The following L3MBTL4 variants were observed in gnomAD, a reference collection of about 807,000 sequenced individuals.
The protein encoded by L3MBTL4 is L3MBTL histone methyl-lysine binding protein 4.
A neutral mutation model predicts 84.5 loss-of-function variants in L3MBTL4; 70 were observed. The observed-to-expected ratio is 0.83, with a 90% CI of 0.68 to 1.01. L3MBTL4 has a LOEUF of 1.01. Among genes scored for constraint, L3MBTL4 ranks in the 50% least tolerant of loss-of-function variants. The pLI, the probability that L3MBTL4 is intolerant of heterozygous loss-of-function variation, is 0.00. For missense variants in L3MBTL4, 715 were observed against 754.8 expected, an observed-to-expected ratio of 0.95 and a Z score of 0.62; for synonymous variants, 274 against 259.8, an observed-to-expected ratio of 1.05 and a Z score of -0.52.
At chr18:6,146,230 G>T (rs1598901757) in intron 13 of L3MBTL4, among the ~76,000 whole-genome samples, 1 of 152,214 alleles carries the variant, frequency 6.6e-6, no homozygotes, top group Non-Finnish European at 1.5e-5. Flanking sequence ...CCTGCTGTGC[G>T]CTCTGCATCG....
intron 16 of L3MBTL4, among the ~76,000 whole-genome samples, chr18:6,039,715 C>T (rs2056314762): frequency 6.6e-6 from 1 of 152,238 alleles, no homozygotes; most frequent in Admixed American, 6.5e-5. Context: ...AAAGTCCCTT[C>T]ATGCTGGGTA....
intron 10 of L3MBTL4, among the ~76,000 whole-genome samples, chr18:6,227,886 T>TAAACTCCTGGCCTC (rs1484569374): frequency 1.3e-5 from 2 of 152,026 alleles, no homozygotes; most frequent in African/African-American, 4.8e-5. Context: ...AGTCTGGTCT[T>TAAACTCCTGGCCTC]AAACTCCTGG....
chr18:6,033,121 C>A (rs952869578), intron 16 of L3MBTL4, among the ~76,000 whole-genome samples: 1 of 152,164 alleles, frequency 6.6e-6, no homozygotes, highest in Non-Finnish European at 1.5e-5. Flanking sequence ...CTTCTCCCTT[C>A]CATTCTTTCA....
At chr18:6,216,019 T>C (rs181050192) in intron 10 of L3MBTL4, among the ~76,000 whole-genome samples, 184 bp from the exon 11 acceptor site, 2 of 152,308 alleles carry the variant, frequency 1.3e-5, no homozygotes, top group Admixed American at 1.3e-4. Flanking sequence ...GGCAAAGGCA[T>C]GCCTGCACTC....
At chr18:6,029,291 G>T in intron 16 of L3MBTL4, 2 of 273,236 alleles carry the variant, frequency 7.3e-6, no homozygotes, top group Non-Finnish European at 1.1e-5. Flanking sequence ...GTCTGCCCAG[G>T]AGTATGCTTA....
intron 13 of L3MBTL4, among the ~76,000 whole-genome samples, chr18:6,170,380 T>C (rs2043908474): frequency 6.6e-6 from 1 of 152,118 alleles, no homozygotes; most frequent in South Asian, 2.1e-4. Flanking sequence ...GGGTCAAAGA[T>C]AGATTCTGTA....
intron 16 of L3MBTL4, among the ~76,000 whole-genome samples, chr18:5,981,481 G>T (rs1429979033): frequency 2.0e-5 from 3 of 152,080 alleles, no homozygotes; most frequent in Non-Finnish European, 4.4e-5. Context: ...CATGCAAAAG[G>T]CTCTGTGCTC....
At chr18:6,134,324 T>C (rs1370239549) in intron 14 of L3MBTL4, among the ~76,000 whole-genome samples, 1 of 152,030 alleles carries the variant, frequency 6.6e-6, no homozygotes, top group Non-Finnish European at 1.5e-5. Context: ...AGCCAAACCA[T>C]ATCATTCCAC....
intron 1 of L3MBTL4, among the ~76,000 whole-genome samples, chr18:6,347,556 G>C (rs1242176850): frequency 6.6e-6 from 1 of 150,802 alleles, no homozygotes; most frequent in East Asian, 1.9e-4. Flanking sequence ...AAACATGGGA[G>C]GAAAATATAT....
intron 13 of L3MBTL4, among the ~76,000 whole-genome samples, chr18:6,148,798 A>C (rs992840924): frequency 5.9e-5 from 9 of 152,158 alleles, no homozygotes; most frequent in Non-Finnish European, 1.5e-5. Flanking sequence ...AAAATGTTTT[A>C]CATATAAATA....
chr18:6,292,643 A>C (rs67220424), intron 4 of L3MBTL4, among the ~76,000 whole-genome samples: 28,720 of 152,152 alleles, frequency 0.19, 2,843 homozygotes, highest in African/African-American at 0.24. Context: ...TTTGTCACCA[A>C]TACTTTCAGA....
chr18:6,271,856 A>G (rs965988005), intron 4 of L3MBTL4, among the ~76,000 whole-genome samples: 13 of 152,176 alleles, frequency 8.5e-5, no homozygotes, highest in Non-Finnish European at 1.5e-5. Context: ...TCGCCCAAGT[A>G]AGATGCAGAT....
At chr18:6,010,691 TA>T (rs1338695350) in intron 16 of L3MBTL4, among the ~76,000 whole-genome samples, 2 of 152,204 alleles carry the variant, frequency 1.3e-5, no homozygotes, top group African/African-American at 4.8e-5. Flanking sequence ...TTACATAATA[TA>T]ACATCTTTTT....
intron 1 of L3MBTL4, among the ~76,000 whole-genome samples, chr18:6,356,000 C>G (rs964387833): frequency 6.6e-6 from 1 of 152,162 alleles, no homozygotes; most frequent in African/African-American, 2.4e-5. Context: ...GGCTTGAGAC[C>G]TCTAGAGCTC....
At chr18:6,262,631 C>T (rs777662616) in intron 5 of L3MBTL4, among the ~76,000 whole-genome samples, 2 of 152,148 alleles carry the variant, frequency 1.3e-5, no homozygotes, top group East Asian at 1.9e-4. Context: ...TTTAGTAGGT[C>T]TCAGGAAGAC....
intron 16 of L3MBTL4, among the ~76,000 whole-genome samples, chr18:6,000,743 T>C (rs1567968396): frequency 6.6e-6 from 1 of 152,236 alleles, no homozygotes; most frequent in Non-Finnish European, 1.5e-5. Context: ...TAACAAGACC[T>C]ATCTTAGTAA....
chr18:6,145,871 A>C (rs574904191), intron 13 of L3MBTL4, among the ~76,000 whole-genome samples: 2 of 152,206 alleles, frequency 1.3e-5, no homozygotes, highest in Non-Finnish European at 2.9e-5. Flanking sequence ...TCTGGTGCCA[A>C]AGATGGAATA....
intron 13 of L3MBTL4, among the ~76,000 whole-genome samples, chr18:6,168,560 A>G (rs2043799962): frequency 6.6e-6 from 1 of 152,212 alleles, no homozygotes; most frequent in South Asian, 2.1e-4. Context: ...CAAACCTGAG[A>G]AAAAAAGCAA....
chr18:6,388,559 C>T (rs1041329024), intron 1 of L3MBTL4, among the ~76,000 whole-genome samples: 10 of 151,276 alleles, frequency 6.6e-5, no homozygotes, highest in African/African-American at 2.4e-4. Flanking sequence ...GATGCTGGTA[C>T]GGATAAAGAG....
Sources: gnomAD v4.1 joint callset for allele counts (sites outside exome capture counted in the v4.1 genomes callset) on GRCh38, gnomAD v4.1.1 for gene constraint, MANE v1.5 for transcripts, NCBI Gene and HGNC (gene_info 2026-07-23, HGNC 2026-07-21) for gene names.